The following C8orf34 variants were observed in gnomAD, a reference collection of about 807,000 sequenced individuals.
The protein encoded by C8orf34 is chromosome 8 open reading frame 34.
A neutral mutation model predicts 68.3 loss-of-function variants in C8orf34; 65 were observed. The observed-to-expected ratio is 0.95, with a 90% CI of 0.78 to 1.17. C8orf34 has a LOEUF of 1.17. C8orf34 is among the 50% of genes most tolerant of loss of function. C8orf34 has a pLI of 0.00. For missense variants in C8orf34, 664 were observed against 655.4 expected (o/e 1.01, Z -0.14); for synonymous variants, 244 against 241.2 (o/e 1.01, Z -0.11).
intron 7 of C8orf34, among the ~76,000 whole-genome samples, chr8:68,602,628 G>A (rs1321424444): frequency 2.6e-5 from 4 of 152,054 alleles, no homozygotes; most frequent in Admixed American, 1.3e-4. Flanking sequence ...GATTTGGGTG[G>A]GGAAACAGCC....
intron 5 of C8orf34, among the ~76,000 whole-genome samples, chr8:68,515,928 T>C (rs1336286763): frequency 1.3e-5 from 2 of 152,234 alleles, no homozygotes; most frequent in Non-Finnish European, 2.9e-5. Flanking sequence ...TCCGCTTACA[T>C]TACCATCTTT....
intron 1 of C8orf34, among the ~76,000 whole-genome samples, chr8:68,422,454 A>G (rs574323720): frequency 2.6e-5 from 4 of 152,292 alleles, no homozygotes; most frequent in Non-Finnish European, 5.9e-5. Context: ...CTTTGACTCC[A>G]TGTCTCACAT....
intron 8 of C8orf34, among the ~76,000 whole-genome samples, chr8:68,704,037 T>C (rs1193152700): frequency 2.0e-5 from 3 of 152,216 alleles, no homozygotes; most frequent in Non-Finnish European, 2.9e-5. Flanking sequence ...AAATAATCAC[T>C]AAGAAGTACC....
chr8:68,513,706 A>T (rs1814379413), intron 5 of C8orf34, among the ~76,000 whole-genome samples: 1 of 152,212 alleles, frequency 6.6e-6, no homozygotes, highest in Admixed American at 6.5e-5. Flanking sequence ...CTGTCCAATG[A>T]AGCTGAACCC....
chr8:68,381,975 T>C (rs17381654), intron 1 of C8orf34, among the ~76,000 whole-genome samples: 19,310 of 152,196 alleles, frequency 0.13, 1,412 homozygotes, highest in Middle Eastern at 0.19. Flanking sequence ...ATATATTTGG[T>C]ACTTAACAAA....
chr8:68,510,005 G>T (rs969107819), intron 5 of C8orf34, among the ~76,000 whole-genome samples: 1 of 152,168 alleles, frequency 6.6e-6, no homozygotes, highest in Non-Finnish European at 1.5e-5. Flanking sequence ...GGAACAGGAA[G>T]CTTGGGCTTG....
chr8:68,438,751 G>T (rs1363783631), intron 1 of C8orf34: 1 of 152,088 alleles, frequency 6.6e-6, no homozygotes, highest in Non-Finnish European at 1.5e-5. Context: ...CTACATATTG[G>T]AGATTGCTCT....
chr8:68,375,076 T>A (rs527616718), intron 1 of C8orf34, among the ~76,000 whole-genome samples: 1 of 152,304 alleles, frequency 6.6e-6, no homozygotes, highest in South Asian at 2.1e-4. Context: ...TCCTAATTCT[T>A]TAGCAGAGAT....
At chr8:68,391,713 A>G (rs918312854) in intron 1 of C8orf34, among the ~76,000 whole-genome samples, 18 of 152,150 alleles carry the variant, frequency 1.2e-4, no homozygotes, top group African/African-American at 3.9e-4. Flanking sequence ...CTCACACTCC[A>G]TGTCCATCTG....
rs1322561923 is a variant in C8orf34 at position 68,454,747 on chromosome 8, G to A, written c.607+8287G>A. Reference sequence around the variant, plus strand: ...TTGTTTTTCTATATTCTGTTTCATTGATCTCTGCTTTAACCTTTACTATTT... The same window carrying A: ...TTGTTTTTCTATATTCTGTTTCATTAATCTCTGCTTTAACCTTTACTATTT... On this transcript the variant is annotated intron_variant, in intron 3 of 13. Coordinates refer to ENST00000518698, the MANE Select transcript of C8orf34 (RefSeq NM_052958.4). Among the ~76,000 whole-genome samples the A allele has an allele frequency of 5.3e-5, 8 of 151,772 alleles. No individual in the cohort carries two copies. In the East Asian group the frequency reaches 1.2e-3, roughly 22 times the overall value.
chr8:68,436,379 C>T (rs773677528), intron 1 of C8orf34, among the ~76,000 whole-genome samples: 6 of 152,046 alleles, frequency 3.9e-5, no homozygotes, highest in Admixed American at 1.3e-4. Context: ...ATTTTGTTTG[C>T]GACTTGTATG....
At chr8:68,706,269 G>A (rs774373412) in intron 8 of C8orf34, among the ~76,000 whole-genome samples, 4 of 152,200 alleles carry the variant, frequency 2.6e-5, no homozygotes, top group Non-Finnish European at 5.9e-5. Context: ...GTGCAGAGGA[G>A]CTGAGACAAT....
chr8:68,411,527 A>C (rs940614885), intron 1 of C8orf34, among the ~76,000 whole-genome samples: 6 of 152,220 alleles, frequency 3.9e-5, no homozygotes, highest in African/African-American at 1.4e-4. Context: ...TTTATTGTCC[A>C]TCAAAGAATT....
chr8:68,406,189 A>C (rs769508689), intron 1 of C8orf34, among the ~76,000 whole-genome samples: 1 of 152,190 alleles, frequency 6.6e-6, no homozygotes, highest in Non-Finnish European at 1.5e-5. Flanking sequence ...GTAGACAGAC[A>C]GTTGATCTGC....
chr8:68,658,115 T>A (rs1248688348), intron 8 of C8orf34, among the ~76,000 whole-genome samples: 1 of 152,196 alleles, frequency 6.6e-6, no homozygotes, highest in African/African-American at 2.4e-5. Flanking sequence ...ATCAAATCAC[T>A]TTTCTTGGGA....
chr8:68,519,234 C>A (rs1468198440), intron 5 of C8orf34, among the ~76,000 whole-genome samples: 2 of 152,156 alleles, frequency 1.3e-5, no homozygotes, highest in Admixed American at 1.3e-4. Flanking sequence ...TAAACATAAA[C>A]ACAAACTTGG....
At chr8:68,473,429 C>T (rs1454269570) in intron 4 of C8orf34, among the ~76,000 whole-genome samples, 1 of 152,068 alleles carries the variant, frequency 6.6e-6, no homozygotes, top group Non-Finnish European at 1.5e-5. Context: ...GTTGTCTGCT[C>T]CCTACCGCAC....
intron 4 of C8orf34, among the ~76,000 whole-genome samples, chr8:68,487,733 C>T (rs1283534464): frequency 6.6e-6 from 1 of 152,184 alleles, no homozygotes; most frequent in Non-Finnish European, 1.5e-5. Context: ...TCTACAATTA[C>T]ATTCGCAAGT....
chr8:68,791,261 G>T, intron 12 of C8orf34: 1 of 284,914 alleles, frequency 3.5e-6, no homozygotes, highest in East Asian at 6.0e-5. Context: ...TCTAAGGAGA[G>T]AGAGAGAGCA....
Sources: gnomAD v4.1 joint callset for allele counts (sites outside exome capture counted in the v4.1 genomes callset) on GRCh38, gnomAD v4.1.1 for gene constraint, MANE v1.5 for transcripts, NCBI Gene and HGNC (gene_info 2026-07-23, HGNC 2026-07-21) for gene names.